PSD3: variants seen among roughly 807,000 people sequenced by gnomAD.
PSD3 encodes pleckstrin and Sec7 domain containing 3, also known as PH and SEC7 domain-containing protein 3.
PSD3 carries 49 observed loss-of-function variants against 105.5 expected under a neutral mutation model. The observed-to-expected ratio is 0.46, with a 90% CI of 0.37 to 0.59. PSD3 has a LOEUF of 0.59. Ranked by LOEUF, PSD3 falls within the 20% of genes least tolerant of loss-of-function variation. PSD3 has a pLI of 0.00. For missense variants in PSD3, 1,561 were observed against 1,263.8 expected, an observed-to-expected ratio of 1.24 and a Z score of -3.57; for synonymous variants, 557 against 457.8, an observed-to-expected ratio of 1.22 and a Z score of -2.77.
intron 1 of PSD3, among the ~76,000 whole-genome samples, chr8:19,060,318 T>G (rs914859583): frequency 6.6e-6 from 1 of 152,210 alleles, no homozygotes; most frequent in Non-Finnish European, 1.5e-5. Flanking sequence ...TATCAATACC[T>G]CCTATTTACC....
intron 1 of PSD3, among the ~76,000 whole-genome samples, chr8:18,961,801 G>C (rs1485005062): frequency 1.3e-5 from 2 of 152,082 alleles, no homozygotes; most frequent in Non-Finnish European, 2.9e-5. Flanking sequence ...TGATAAATCA[G>C]ATATACCGCC....
intron 10 of PSD3, among the ~76,000 whole-genome samples, chr8:18,634,030 T>G (rs1002351410): frequency 6.6e-6 from 1 of 152,138 alleles, no homozygotes; most frequent in Non-Finnish European, 1.5e-5. Flanking sequence ...ACGCCGAGTA[T>G]TTTTTCATGT....
intron 1 of PSD3, among the ~76,000 whole-genome samples, chr8:19,052,526 A>G (rs139358329): frequency 0.015 from 2,224 of 152,212 alleles, 60 homozygotes; most frequent in African/African-American, 0.05. Flanking sequence ...TGAGCAAAGC[A>G]AAGTGTCAAG....
At chr8:18,869,615 C>T (rs986686491) in intron 3 of PSD3, among the ~76,000 whole-genome samples, 1 of 152,166 alleles carries the variant, frequency 6.6e-6, no homozygotes, top group Non-Finnish European at 1.5e-5. Context: ...ATGCTGTTCC[C>T]TCTAGCTGGA....
intron 1 of PSD3, among the ~76,000 whole-genome samples, chr8:18,959,421 C>T (rs1303082252): frequency 3.3e-5 from 5 of 152,136 alleles, no homozygotes; most frequent in African/African-American, 1.2e-4. Flanking sequence ...GTACACTTTA[C>T]AGCATTTTAA....
At chr8:18,589,250 T>C (rs2717731) in intron 12 of PSD3, among the ~76,000 whole-genome samples, 127,509 of 152,068 alleles carry the variant, frequency 0.84, 54,268 homozygotes, top group South Asian at 0.96. Context: ...AAAGACAGTA[T>C]GAGATAGCCA....
At chr8:18,868,197 A>C in intron 3 of PSD3, 128 bp from the exon 4 acceptor site, 1 of 1,088,262 alleles carries the variant, frequency 9.2e-7, no homozygotes, top group East Asian at 2.4e-5. Flanking sequence ...ATATCTTAAC[A>C]TATTTGGGAA....
chr8:18,970,786 C>G (rs558690714), intron 1 of PSD3, among the ~76,000 whole-genome samples: 2 of 152,066 alleles, frequency 1.3e-5, no homozygotes, highest in Admixed American at 6.5e-5. Flanking sequence ...GAAACCCTGT[C>G]TCTACTAAAA....
chr8:18,958,487 C>A (rs753348767), intron 1 of PSD3, among the ~76,000 whole-genome samples: 1 of 152,102 alleles, frequency 6.6e-6, no homozygotes, highest in Admixed American at 6.5e-5. Context: ...TTTCTGAGCA[C>A]TCAAGGAATT....
At chr8:18,682,195 TGAGGATAG>T (rs1320102725) in intron 9 of PSD3, among the ~76,000 whole-genome samples, 1 of 152,138 alleles carries the variant, frequency 6.6e-6, no homozygotes, top group Non-Finnish European at 1.5e-5. Flanking sequence ...TAAATTATCA[TGAGGATAG>T]GTAGTAGGAC....
intron 11 of PSD3, among the ~76,000 whole-genome samples, chr8:18,629,202 G>A (rs1047041896): frequency 5.3e-5 from 8 of 151,922 alleles, no homozygotes; most frequent in African/African-American, 7.2e-5. Context: ...GGTGTCGGAC[G>A]TCATTTCATG....
intron 4 of PSD3, among the ~76,000 whole-genome samples, chr8:18,860,553 T>A (rs1303216500): frequency 6.6e-6 from 1 of 152,128 alleles, no homozygotes; most frequent in Non-Finnish European, 1.5e-5. Context: ...TACAGAGGGC[T>A]TATGAAGTGA....
chr8:18,714,829 G>A (rs866960014), intron 9 of PSD3, among the ~76,000 whole-genome samples: 8 of 152,250 alleles, frequency 5.3e-5, no homozygotes, highest in Middle Eastern at 3.4e-3. Flanking sequence ...ACACATGCAC[G>A]TGTATGTTCA....
chr8:18,670,078 A>C (rs1035907547), intron 9 of PSD3, among the ~76,000 whole-genome samples: 1 of 152,180 alleles, frequency 6.6e-6, no homozygotes, highest in African/African-American at 2.4e-5. Flanking sequence ...GATAATTATT[A>C]TAAGGTGATT....
chr8:18,822,559 T>C (rs1016792184), intron 4 of PSD3, among the ~76,000 whole-genome samples: 3 of 152,244 alleles, frequency 2.0e-5, no homozygotes, highest in Non-Finnish European at 2.9e-5. Context: ...TGATGTCCTG[T>C]GTCAAACTGT....
At chr8:18,689,545 T>G (rs1800853358) in intron 9 of PSD3, among the ~76,000 whole-genome samples, 2 of 152,152 alleles carry the variant, frequency 1.3e-5, no homozygotes, top group Admixed American at 1.3e-4. Flanking sequence ...AAGAGAGGCA[T>G]GAGGTGTCAA....
intron 10 of PSD3, among the ~76,000 whole-genome samples, chr8:18,637,522 C>G (rs1807348294): frequency 6.6e-6 from 1 of 152,168 alleles, no homozygotes; most frequent in Non-Finnish European, 1.5e-5. Context: ...CCCTATAGTT[C>G]TGCCTTTTCC....
rs997421492 is a variant in PSD3 at position 18,605,471 on chromosome 8, T to C, written c.2411-5037A>G. Among the ~76,000 whole-genome samples, 3 of 152,150 alleles carry C rather than the reference T, an allele frequency of 2.0e-5. No individual in the cohort carries two copies. In the East Asian group the frequency reaches 5.8e-4, roughly 29 times the overall value. On this transcript the variant is annotated intron_variant, in intron 11 of 15. Transcript: ENST00000327040. ...TGGGAGTAACTAACTTGTTTTTGATTTTACAGGTTCATAGGTAGAAGGAAC... is the reference window on the plus strand; with the variant it reads ...TGGGAGTAACTAACTTGTTTTTGATCTTACAGGTTCATAGGTAGAAGGAAC...
intron 9 of PSD3, among the ~76,000 whole-genome samples, chr8:18,688,254 CTGTTTGTT>C (rs10693160): frequency 5.4e-5 from 8 of 148,758 alleles, no homozygotes; most frequent in Non-Finnish European, 8.9e-5. Context: ...TCACGTCAGG[CTGTTTGTT>C]TGTTTGTTTG....
Sources: gnomAD v4.1 joint callset for allele counts (sites outside exome capture counted in the v4.1 genomes callset) on GRCh38, gnomAD v4.1.1 for gene constraint, MANE v1.5 for transcripts, NCBI Gene and HGNC (gene_info 2026-07-23, HGNC 2026-07-21) for gene names.